The following ZNF831 variants were observed in gnomAD, a reference collection of about 807,000 sequenced individuals.
ZNF831 encodes chromosome 20 open reading frame 174.
ZNF831 carries 59 observed loss-of-function variants against 95.8 expected under a neutral mutation model. That is an observed-to-expected ratio of 0.62 (90% CI 0.50 to 0.77). The LOEUF (loss-of-function observed/expected upper bound fraction) is 0.77. ZNF831 is among the 30% of genes least tolerant of loss of function. ZNF831 has a pLI of 0.00. For missense variants in ZNF831, 2,205 were observed against 2,164.0 expected (o/e 1.02, Z -0.38); for synonymous variants, 961 against 925.5 (o/e 1.04, Z -0.70).
At chr20:59,183,373 C>T (rs147552516) in intron 1 of ZNF831, among the ~76,000 whole-genome samples, 9 of 152,330 alleles carry the variant, frequency 5.9e-5, no homozygotes, top group African/African-American at 1.9e-4. Flanking sequence ...AAGGGTGTAT[C>T]AGGTGAAGAC....
At chr20:59,239,074 T>C (rs1321999383) in intron 4 of ZNF831, among the ~76,000 whole-genome samples, 4 of 152,234 alleles carry the variant, frequency 2.6e-5, no homozygotes, top group Admixed American at 6.5e-5. Flanking sequence ...ATAGAAAGCA[T>C]GTAGATATGA....
chr20:59,127,587 C>T (rs145139437), intron 1 of ZNF831, among the ~76,000 whole-genome samples: 241 of 152,302 alleles, frequency 1.6e-3, no homozygotes, highest in Non-Finnish European at 2.8e-3. Flanking sequence ...GGTTTCCCTC[C>T]GACGGGCTCA....
At chr20:59,234,268 A>G (rs919034073) in intron 4 of ZNF831, among the ~76,000 whole-genome samples, 7 of 152,200 alleles carry the variant, frequency 4.6e-5, no homozygotes, top group Non-Finnish European at 7.4e-5. Context: ...AGCAATAAAC[A>G]TCTTCCAAAC....
At chr20:59,185,889 G>A (rs144404134) in intron 1 of ZNF831, among the ~76,000 whole-genome samples, 4 of 152,268 alleles carry the variant, frequency 2.6e-5, no homozygotes, top group African/African-American at 7.2e-5. Context: ...GAATTAAAAC[G>A]CCTTTACTGA....
intron 1 of ZNF831, among the ~76,000 whole-genome samples, chr20:59,166,364 G>A (rs1272042121): frequency 6.6e-6 from 1 of 152,188 alleles, no homozygotes; most frequent in East Asian, 1.9e-4. Flanking sequence ...TCATAAATTA[G>A]CCTCTTTGTT....
intron 4 of ZNF831, among the ~76,000 whole-genome samples, chr20:59,248,607 A>G (rs1398552045): frequency 6.6e-6 from 1 of 152,200 alleles, no homozygotes; most frequent in East Asian, 1.9e-4. Context: ...CATTTGGCCA[A>G]TCTGATTATT....
At chr20:59,196,151 C>A in intron 3 of ZNF831, 146 bp downstream of exon 3, 1 of 1,156,990 alleles carries the variant, frequency 8.6e-7, no homozygotes, top group Non-Finnish European at 1.2e-6. Context: ...AATTTGTTTC[C>A]CACCCCTTGC....
chr20:59,174,316 T>C (rs944937554), intron 1 of ZNF831, among the ~76,000 whole-genome samples: 26 of 152,200 alleles, frequency 1.7e-4, no homozygotes, highest in African/African-American at 6.3e-4. Context: ...TTTTGCAGCC[T>C]GCGGTTCAGG....
chr20:59,124,925 G>C (rs1431445587), intron 1 of ZNF831, among the ~76,000 whole-genome samples: 1 of 152,236 alleles, frequency 6.6e-6, no homozygotes, highest in Non-Finnish European at 1.5e-5. Context: ...AGTCTGATTG[G>C]AGGCGATCAT....
chr20:59,223,523 G>A (rs1224041077), intron 4 of ZNF831, among the ~76,000 whole-genome samples: 2 of 152,236 alleles, frequency 1.3e-5, no homozygotes, highest in Non-Finnish European at 2.9e-5. Flanking sequence ...CAGCGGCTAC[G>A]GGAACGGGCC....
At chr20:59,241,045 A>G (rs955957796) in intron 4 of ZNF831, among the ~76,000 whole-genome samples, 1 of 152,102 alleles carries the variant, frequency 6.6e-6, no homozygotes, top group African/African-American at 2.4e-5. Flanking sequence ...AAAAGAAAAA[A>G]AAGTCCTATA....
intron 1 of ZNF831, among the ~76,000 whole-genome samples, chr20:59,126,928 G>GC (rs1979190568): frequency 6.6e-6 from 1 of 152,134 alleles, no homozygotes; most frequent in Non-Finnish European, 1.5e-5. Flanking sequence ...TGGAGAGTGT[G>GC]GCTTTGAGCG....
At chr20:59,143,446 A>C (rs1266321459) in intron 1 of ZNF831, among the ~76,000 whole-genome samples, 1 of 152,196 alleles carries the variant, frequency 6.6e-6, no homozygotes, top group Non-Finnish European at 1.5e-5. Context: ...CCTTATTGGA[A>C]GAACAGTGAG....
chr20:59,189,219 T>C (rs1281577466), intron 1 of ZNF831, among the ~76,000 whole-genome samples: 1 of 152,078 alleles, frequency 6.6e-6, no homozygotes, highest in Non-Finnish European at 1.5e-5. Flanking sequence ...AAAAAATCCA[T>C]TGCTAAATCC....
intron 4 of ZNF831, among the ~76,000 whole-genome samples, chr20:59,219,830 G>A (rs1985960595): frequency 6.6e-6 from 1 of 152,156 alleles, no homozygotes; most frequent in African/African-American, 2.4e-5. Flanking sequence ...TAGAAACGGA[G>A]TGCCATGATT....
At position 59,232,014 on chromosome 20, in the gene ZNF831, T is replaced by C. The variant is rs568878847; in HGVS notation, c.4028-20964T>C. Among the ~76,000 whole-genome samples the C allele has an allele frequency of 2.0e-5, 3 of 152,312 alleles. No individual in the cohort carries two copies. The East Asian group carries it at 5.8e-4, about 29-fold the overall frequency. On this transcript the variant is annotated intron_variant, in intron 4 of 5. Transcript: ENST00000371030. The stretch of plus-strand genomic sequence containing the variant: ...TATATATTTTGCTGTTCCTTCCCAG[T>C]GGACCCCACTGATCACTGAGGGAGA...
At chr20:59,143,750 C>T (rs1979754900) in intron 1 of ZNF831, among the ~76,000 whole-genome samples, 1 of 152,192 alleles carries the variant, frequency 6.6e-6, no homozygotes, top group Admixed American at 6.5e-5. Context: ...TCACTTTCTC[C>T]TTTTCTTGGC....
intron 4 of ZNF831, among the ~76,000 whole-genome samples, chr20:59,232,830 G>A (rs1450939974): frequency 2.0e-5 from 3 of 152,180 alleles, no homozygotes; most frequent in Middle Eastern, 3.4e-3. Flanking sequence ...AACATACAAT[G>A]ATGTCATAAA....
At chr20:59,226,379 C>T (rs1192579879) in intron 4 of ZNF831, among the ~76,000 whole-genome samples, 1 of 152,076 alleles carries the variant, frequency 6.6e-6, no homozygotes, top group African/African-American at 2.4e-5. Context: ...TAGAACCCCT[C>T]TCCACCAGGC....
Sources: gnomAD v4.1 joint callset for allele counts (sites outside exome capture counted in the v4.1 genomes callset) on GRCh38, gnomAD v4.1.1 for gene constraint, MANE v1.5 for transcripts, NCBI Gene and HGNC (gene_info 2026-07-23, HGNC 2026-07-21) for gene names.